The following HECW2 variants were observed in gnomAD, a reference collection of about 807,000 sequenced individuals.
The protein encoded by HECW2 is HECT, C2 and WW domain containing E3 ubiquitin protein ligase 2, also known as E3 ubiquitin-protein ligase HECW2.
HECW2 carries 61 observed loss-of-function variants against 175.2 expected under a neutral mutation model. The ratio of observed to expected loss-of-function variants is 0.35; its 90% confidence interval spans 0.28 to 0.43. The LOEUF (loss-of-function observed/expected upper bound fraction) is 0.43. Ranked by LOEUF, HECW2 falls within the 20% of genes least tolerant of loss-of-function variation. The probability of loss-of-function intolerance (pLI) is 1.00; values close to 1 mark genes in which losing one functional copy is unlikely to be tolerated. For missense variants in HECW2, 1,524 were observed against 2,000.5 expected (o/e 0.76, Z 4.54); for synonymous variants, 671 against 731.0 (o/e 0.92, Z 1.32).
intron 6 of HECW2, 128 bp from the exon 7 acceptor site, chr2:196,322,748 T>C: frequency 2.7e-6 from 2 of 737,852 alleles, no homozygotes; most frequent in South Asian, 4.1e-5. Context: ...TAGCTAGAAA[T>C]AGCTGCAGCT....
intron 18 of HECW2, among the ~76,000 whole-genome samples, chr2:196,254,890 T>C (rs1293645581): frequency 6.6e-6 from 1 of 152,170 alleles, no homozygotes; most frequent in African/African-American, 2.4e-5. Flanking sequence ...TCCATTTCTA[T>C]GCCTTTTCAT....
At chr2:196,323,211 A>G (rs1692013431) in intron 6 of HECW2, among the ~76,000 whole-genome samples, 1 of 152,224 alleles carries the variant, frequency 6.6e-6, no homozygotes, top group Admixed American at 6.5e-5. Flanking sequence ...ACAGAAAAAT[A>G]AAAGTATGAG....
At position 196,319,173 on chromosome 2, in the gene HECW2, C is replaced by T. The variant is rs149898649; in HGVS notation, c.1717G>A (p.Val573Ile). 103 of 1,595,574 alleles carry T rather than the reference C, an allele frequency of 6.5e-5. No homozygotes were observed. The African/African-American group carries it at 1.3e-3, about 20-fold the overall frequency. The change falls in exon 9 of 29, where the codon GTA becomes ATA. Residue 573 changes from valine (V) to isoleucine (I), a missense_variant. By Grantham distance (29) the Val-to-Ile change is conservative (BLOSUM62 3). This residue lies in a region of HECW2 where 604 missense variants were observed against 588.3 expected (regional missense o/e 1.03). Transcript: ENST00000644978. ...TCTGCGCCACTTGTGGGCTGATCTA[C>T]CTCTTGAGAGCCACACAGTTCAGCA... ...GSAELCGSQEVDQPTSGADTG... is the reference protein window; with the variant it reads ...GSAELCGSQEIDQPTSGADTG...
chr2:196,488,955 G>C lies in HECW2; in HGVS notation c.-35-55497C>G, dbSNP rs533033367. Among the ~76,000 whole-genome samples the C allele has an allele frequency of 3.9e-5, 6 of 152,166 alleles. No homozygotes were observed. The South Asian group carries it at 1.2e-3, about 32-fold the overall frequency. On this transcript the variant is annotated intron_variant, in intron 1 of 28. Coordinates refer to ENST00000644978, the MANE Select transcript of HECW2 (RefSeq NM_001348768.2). ...GCATAAAATGCATACATAGAAGTAAGTTAAAAGCAAAGGGAAAAATATTAC... is the reference window on the plus strand; with the variant it reads ...GCATAAAATGCATACATAGAAGTAACTTAAAAGCAAAGGGAAAAATATTAC...
chr2:196,326,700 C>G (rs1369940194), intron 5 of HECW2, among the ~76,000 whole-genome samples: 3 of 152,044 alleles, frequency 2.0e-5, no homozygotes, highest in African/African-American at 7.2e-5. Flanking sequence ...CCTCTGCCTC[C>G]CAAAGTGCTG....
chr2:196,440,236 G>A (rs1696000153), intron 1 of HECW2, among the ~76,000 whole-genome samples: 1 of 152,082 alleles, frequency 6.6e-6, no homozygotes, highest in Non-Finnish European at 1.5e-5. Context: ...AATTGACTAT[G>A]CCAATATATC....
chr2:196,204,070 T>C (rs114759778), intron 28 of HECW2, among the ~76,000 whole-genome samples: 2,253 of 152,350 alleles, frequency 0.015, 69 homozygotes, highest in African/African-American at 0.052. Context: ...TGTTCCATTG[T>C]ATGTATATAC....
In HECW2 at chr2:196,580,547, T is replaced by C. The variant is rs573059296; in HGVS notation, c.-36+12961A>G. Among the ~76,000 whole-genome samples, 62 of 151,194 alleles carry C rather than the reference T, an allele frequency of 4.1e-4. 1 individual carries two copies. Among genetic ancestry groups the C allele is most frequent in the Non-Finnish European group, 6.3e-4 (43 of 67,910 alleles). On this transcript the variant is annotated intron_variant, in intron 1 of 28. Coordinates refer to ENST00000644978, the MANE Select transcript of HECW2 (RefSeq NM_001348768.2). ...TGAATAGACAATTCCTCAAAGAAGATAGTTAAATAACCAATAAGCACATGA... is the reference window on the plus strand; with the variant it reads ...TGAATAGACAATTCCTCAAAGAAGACAGTTAAATAACCAATAAGCACATGA...
chr2:196,282,412 A>C (rs1055488138), intron 14 of HECW2, among the ~76,000 whole-genome samples: 1 of 152,196 alleles, frequency 6.6e-6, no homozygotes, highest in African/African-American at 2.4e-5. Context: ...ATGGCTTGTG[A>C]CACAGCCCTC....
chr2:196,283,649 G>A (rs1003311579), intron 14 of HECW2, among the ~76,000 whole-genome samples: 47 of 152,184 alleles, frequency 3.1e-4, no homozygotes, highest in African/African-American at 9.6e-4. Flanking sequence ...TCAAAGTGTC[G>A]GAATTACAGG....
intron 1 of HECW2, among the ~76,000 whole-genome samples, chr2:196,433,677 C>T (rs1347958142): frequency 6.6e-6 from 1 of 152,112 alleles, no homozygotes; most frequent in Admixed American, 6.5e-5. Context: ...CACATGCCTG[C>T]GACCCTCGAT....
At chr2:196,239,305 T>C (rs1341765296) in intron 21 of HECW2, 1 of 152,252 alleles carries the variant, frequency 6.6e-6, no homozygotes, top group Admixed American at 6.5e-5. Flanking sequence ...TTAGCTGGAA[T>C]GGGCAAAATG....
chr2:196,483,576 G>C (rs540915093), intron 1 of HECW2, among the ~76,000 whole-genome samples: 1 of 152,294 alleles, frequency 6.6e-6, no homozygotes, highest in South Asian at 2.1e-4. Context: ...TCAGAATCCA[G>C]TAAGTGAGAA....
chr2:196,568,809 T>C (rs1028792298), intron 1 of HECW2, among the ~76,000 whole-genome samples: 1 of 152,082 alleles, frequency 6.6e-6, no homozygotes, highest in African/African-American at 2.4e-5. Flanking sequence ...GTATAGATAC[T>C]CCAGGGTCCC....
intron 15 of HECW2, among the ~76,000 whole-genome samples, chr2:196,278,220 G>C (rs1202121515): frequency 7.1e-6 from 1 of 141,142 alleles, no homozygotes; most frequent in Admixed American, 7.3e-5. Context: ...GTGTGCAAAT[G>C]GGCTTATCAT....
chr2:196,308,774 G>C (rs2105717013), intron 10 of HECW2, among the ~76,000 whole-genome samples: 1 of 152,286 alleles, frequency 6.6e-6, no homozygotes, highest in South Asian at 2.1e-4. Context: ...ATGTTCAGAA[G>C]GCAGATTGGT....
At chr2:196,420,177 A>C (rs763199664) in intron 2 of HECW2, among the ~76,000 whole-genome samples, 1 of 152,240 alleles carries the variant, frequency 6.6e-6, no homozygotes, top group Non-Finnish European at 1.5e-5. Context: ...GTCACCACTA[A>C]ATCTGAGTTA....
intron 28 of HECW2, among the ~76,000 whole-genome samples, chr2:196,201,907 T>C (rs1336848008): frequency 2.0e-5 from 3 of 152,224 alleles, no homozygotes; most frequent in Non-Finnish European, 4.4e-5. Flanking sequence ...ATTCCCTGGC[T>C]GGACTTTTCT....
chr2:196,396,265 G>A (rs557956204), intron 2 of HECW2, among the ~76,000 whole-genome samples: 84 of 152,266 alleles, frequency 5.5e-4, no homozygotes, highest in African/African-American at 2.0e-3. Context: ...GGAATAAAAA[G>A]TATACAAACA....
Sources: allele counts gnomAD v4.1 joint callset (sites outside exome capture counted in the v4.1 genomes callset), GRCh38; gene constraint gnomAD v4.1.1; regional missense constraint gnomAD v4.1.1; transcripts MANE v1.5; gene names NCBI Gene and HGNC (gene_info 2026-07-23, HGNC 2026-07-21).